SCAMP1: variants seen among roughly 807,000 people sequenced by gnomAD.
SCAMP1 encodes secretory carrier membrane protein 1.
In SCAMP1, 15 loss-of-function variants were observed where a neutral mutation model predicts 41.8. The observed-to-expected ratio is 0.36, with a 90% confidence interval of 0.24 to 0.55. The LOEUF is 0.55. SCAMP1 is among the 20% of genes least tolerant of loss of function. The pLI is 0.86. For missense variants in SCAMP1, 341 were observed against 412.6 expected (o/e 0.83, Z 1.50); for synonymous variants, 135 against 136.8 (o/e 0.99, Z 0.09).
At chr5:78,365,148 T>A (rs560910298) in intron 1 of SCAMP1, among the ~76,000 whole-genome samples, 25 of 152,130 alleles carry the variant, frequency 1.6e-4, no homozygotes, top group Non-Finnish European at 3.4e-4. Flanking sequence ...TTTAATTAGG[T>A]ACTAATATTT....
At chr5:78,387,090 A>G (rs1751360042) in intron 1 of SCAMP1, among the ~76,000 whole-genome samples, 1 of 152,186 alleles carries the variant, frequency 6.6e-6, no homozygotes, top group African/African-American at 2.4e-5. Flanking sequence ...GAGAACAATT[A>G]TTCTTAGGTT....
chr5:78,397,868 G>C (rs1751691135), intron 2 of SCAMP1, among the ~76,000 whole-genome samples: 1 of 152,170 alleles, frequency 6.6e-6, no homozygotes, highest in South Asian at 2.1e-4. Flanking sequence ...ATTGTTAGCT[G>C]TCAAGATGCA....
chr5:78,404,456 T>TTTTTG (rs1751882291), intron 2 of SCAMP1, among the ~76,000 whole-genome samples: 1 of 141,540 alleles, frequency 7.1e-6, no homozygotes, highest in African/African-American at 2.8e-5. Context: ...CTTACAGGTT[T>TTTTTG]TTTTTTTTTT....
chr5:78,467,318 G>A (rs192874380), intron 8 of SCAMP1, among the ~76,000 whole-genome samples: 27 of 152,298 alleles, frequency 1.8e-4, no homozygotes, highest in African/African-American at 6.3e-4. Flanking sequence ...TGAGGAATGT[G>A]TGGCACAGAT....
chr5:78,460,592 G>GC (rs1561286849), intron 8 of SCAMP1, among the ~76,000 whole-genome samples: 4,320 of 88,838 alleles, frequency 0.049, 253 homozygotes, highest in African/African-American at 0.18. Flanking sequence ...TTTTAATGGG[G>GC]TTTTTTTTTT....
At chr5:78,448,150 T>C (rs1286535532) in intron 6 of SCAMP1, among the ~76,000 whole-genome samples, 2 of 72,200 alleles carry the variant, frequency 2.8e-5, no homozygotes, top group African/African-American at 1.2e-4. Context: ...CCTCTTCTTC[T>C]TCCTCCTTCT....
At chr5:78,422,102 T>G (rs1281986372) in intron 6 of SCAMP1, 142 bp downstream of exon 6, 4 of 637,738 alleles carry the variant, frequency 6.3e-6, no homozygotes. Flanking sequence ...AAGTTCAATA[T>G]AGCATGCCTG....
chr5:78,431,615 A>G (rs77136505), intron 6 of SCAMP1, among the ~76,000 whole-genome samples: 510 of 146,500 alleles, frequency 3.5e-3, no homozygotes, highest in Non-Finnish European at 5.6e-3. Flanking sequence ...ATATCTCTTA[A>G]AACTGTTTTT....
chr5:78,421,609 G>T (rs1050262272), intron 5 of SCAMP1, among the ~76,000 whole-genome samples, 192 bp from the exon 6 acceptor site: 1 of 152,104 alleles, frequency 6.6e-6, no homozygotes, highest in Non-Finnish European at 1.5e-5. Flanking sequence ...ATTAAGACTC[G>T]CTTTCCTGTG....
chr5:78,430,871 C>A (rs1009882567), intron 6 of SCAMP1, among the ~76,000 whole-genome samples: 1 of 152,038 alleles, frequency 6.6e-6, no homozygotes, highest in Non-Finnish European at 1.5e-5. Flanking sequence ...TCTTGACTAG[C>A]TCTTTAACTA....
At chr5:78,448,373 G>A (rs1032417804) in intron 6 of SCAMP1, among the ~76,000 whole-genome samples, 5 of 150,094 alleles carry the variant, frequency 3.3e-5, no homozygotes, top group African/African-American at 9.8e-5. Flanking sequence ...AGCAACAGAC[G>A]GAGGGAAAAT....
intron 2 of SCAMP1, among the ~76,000 whole-genome samples, chr5:78,398,040 A>G (rs1324202095): frequency 2.0e-5 from 3 of 152,196 alleles, no homozygotes; most frequent in Non-Finnish European, 4.4e-5. Context: ...ACAGTTTGCT[A>G]GCTCTAGACA....
chr5:78,361,082 T>A (rs1750635304), intron 1 of SCAMP1: 1 of 224,160 alleles, frequency 4.5e-6, no homozygotes, highest in Non-Finnish European at 8.9e-6. Context: ...GCCAAGCAAG[T>A]GTGGCTGGCA....
At chr5:78,431,706 C>A (rs950888583) in intron 6 of SCAMP1, among the ~76,000 whole-genome samples, 85 of 151,782 alleles carry the variant, frequency 5.6e-4, no homozygotes, top group African/African-American at 2.0e-3. Flanking sequence ...TTCATATGTA[C>A]TGTAAGGATC....
At position 78,476,850 on chromosome 5, in the gene SCAMP1, C is replaced by T. The variant is rs986584275; in HGVS notation, c.*1182C>T. 1 of 151,984 alleles carries T rather than the reference C, an allele frequency of 6.6e-6. No homozygotes were observed. The highest frequency in any genetic ancestry group is 2.4e-5 in the African/African-American group (1 of 41,332). The allele number at this position is 151,984 out of a possible 1,614,324, so 9.4% of individuals were successfully genotyped here. ...TGCACCAAGCAAGAAAATATAAATA[C>T]AGTTAACTGCATTAAGATAATCACG... is the stretch of plus-strand genomic sequence containing the variant. On this transcript the variant is annotated 3_prime_UTR_variant, in exon 9 of 9. Transcript: ENST00000621999.
At chr5:78,438,206 T>C (rs1170452676) in intron 6 of SCAMP1, among the ~76,000 whole-genome samples, 1 of 152,220 alleles carries the variant, frequency 6.6e-6, no homozygotes, top group Non-Finnish European at 1.5e-5. Flanking sequence ...TTTATGTCTC[T>C]ATCTCCTTCA....
intron 6 of SCAMP1, among the ~76,000 whole-genome samples, chr5:78,429,058 A>G (rs189110189): frequency 1.2e-4 from 18 of 152,154 alleles, no homozygotes; most frequent in Admixed American, 4.6e-4. Context: ...GATTCCATAT[A>G]TATTATGATA....
chr5:78,456,127 A>C (rs1580710419), intron 7 of SCAMP1, among the ~76,000 whole-genome samples: 1 of 118,360 alleles, frequency 8.4e-6, no homozygotes, highest in East Asian at 2.4e-4. Flanking sequence ...ATGGGTCTTG[A>C]CTCTTTATCC....
At chr5:78,450,057 T>G in intron 7 of SCAMP1, 23 bp downstream of exon 7, 1 of 1,281,746 alleles carries the variant, frequency 7.8e-7, no homozygotes. Flanking sequence ...TTTTACTAGT[T>G]TTCAGCTTTA....
Sources: allele counts gnomAD v4.1 joint callset (sites outside exome capture counted in the v4.1 genomes callset), GRCh38; gene constraint gnomAD v4.1.1; transcripts MANE v1.5; gene names NCBI Gene and HGNC (gene_info 2026-07-23, HGNC 2026-07-21).